The following NRXN2 variants were observed in gnomAD, a reference collection of about 807,000 sequenced individuals.
The protein encoded by NRXN2 is neurexin-2-beta.
In NRXN2, 29 loss-of-function variants were observed where a neutral mutation model predicts 128.8. The observed-to-expected ratio is 0.23, with a 90% CI of 0.17 to 0.31. The LOEUF (loss-of-function observed/expected upper bound fraction) is 0.31, where lower values mean the gene tolerates loss of function less well. Ranked by LOEUF, NRXN2 falls within the 10% of genes least tolerant of loss-of-function variation. The pLI is 1.00. For synonymous variants in NRXN2, 1,098 were observed against 1,075.2 expected (o/e 1.02, Z -0.41); for missense variants, 1,881 against 2,452.6 (o/e 0.77, Z 4.92).
intron 2 of NRXN2, among the ~76,000 whole-genome samples, chr11:64,710,391 T>C (rs1310087335): frequency 2.6e-5 from 4 of 152,196 alleles, no homozygotes; most frequent in Non-Finnish European, 5.9e-5. Context: ...AAACACATCT[T>C]AGACACACAA....
chr11:64,660,250 AC>A lies in NRXN2; in HGVS notation c.2389+81del. The A allele has an allele frequency of 6.6e-7, 1 of 1,508,684 alleles. No individual in the cohort carries two copies. The highest frequency in any genetic ancestry group is 1.4e-5 in the African/African-American group (1 of 72,874). 93.5% of individuals were successfully genotyped at this position (1,508,684 alleles called of 1,614,324 possible). On this transcript the variant is annotated intron_variant, in intron 11 of 22. Transcript: ENST00000265459. This position sits in a 1 kb window ranked among gnomAD's most constrained non-coding sequence, Gnocchi z 5.2. ...GAGGGCACCTCTTGCTGGTGCCACC[AC>A]CAGCTTCTCCAGACAGAGGCAGGTG...
rs367967738 is a variant in NRXN2 at position 64,635,775 on chromosome 11, T to C, written c.3404-323A>G. 1.5e-4 allele frequency among the ~76,000 whole-genome samples: 22 copies of C among 151,548 alleles called. 1 individual carries two copies. The South Asian group carries it at 4.6e-3, about 32-fold the overall frequency. On this transcript the variant is annotated intron_variant, in intron 17 of 22. Coordinates refer to ENST00000265459, the MANE Select transcript of NRXN2 (RefSeq NM_015080.4). The surrounding 1 kb of genome is among the most constrained non-coding windows in gnomAD (Gnocchi z 4.8). ...TGTAAGGAGACTGAGAAGACAAGAG[T>C]GCTGTGGGCAGGAAAGACCCAGGGG...
Position 64,648,928 on chromosome 11 carries a change from C to T in NRXN2, c.3110-21G>A. ...CTCCCCTGCAAAGGGAGTGGGTCAA[C>T]CAAGGCATCCAGGTCCCCATTCCCA... On this transcript the variant is annotated intron_variant, in intron 15 of 22. Coordinates refer to ENST00000265459, the MANE Select transcript of NRXN2 (RefSeq NM_015080.4). The surrounding 1 kb of genome is among the most constrained non-coding windows in gnomAD (Gnocchi z 4.1). The T allele has an allele frequency of 1.2e-6, 2 of 1,613,936 alleles. No individual in the cohort carries two copies. Among genetic ancestry groups the T allele is most frequent in the East Asian group, 2.2e-5 (1 of 44,886 alleles).
chr11:64,666,792 T>G (rs2049933636), intron 9 of NRXN2, among the ~76,000 whole-genome samples: 1 of 151,798 alleles, frequency 6.6e-6, no homozygotes, highest in South Asian at 2.1e-4. Context: ...CTCGATCTCC[T>G]GACCTCCTGA....
rs1234987051 is a variant in NRXN2 at position 64,606,882 on chromosome 11, C to A, written c.*314G>T. On this transcript the variant is annotated 3_prime_UTR_variant, in exon 23 of 23. Transcript: ENST00000265459. Reference sequence around the variant, plus strand: ...ACAAAACCCCCAGCCTTCCTTCCCACCCAACCCCACCAAAATAAAACTACC... The same window carrying A: ...ACAAAACCCCCAGCCTTCCTTCCCAACCAACCCCACCAAAATAAAACTACC... 5.8e-6 allele frequency: 2 copies of A among 346,738 alleles called. No individual in the cohort carries two copies. The highest frequency in any genetic ancestry group is 9.3e-5 in the South Asian group (2 of 21,532). 21.5% of individuals were successfully genotyped at this position (346,738 alleles called of 1,614,324 possible). A position where few individuals can be genotyped will look rare whatever the true frequency, so the allele number is the denominator to read the frequency against.
chr11:64,653,303 C>T (rs147100476), intron 12 of NRXN2, among the ~76,000 whole-genome samples: 134 of 152,222 alleles, frequency 8.8e-4, no homozygotes, highest in Non-Finnish European at 1.5e-3. Context: ...GATGCAGCAG[C>T]GTATTCCAGC....
chr11:64,715,384 A>G (rs1051168325), intron 1 of NRXN2, among the ~76,000 whole-genome samples: 1 of 152,148 alleles, frequency 6.6e-6, no homozygotes, highest in African/African-American at 2.4e-5. Context: ...ATAGACAAGC[A>G]CAGGATAGCC....
At chr11:64,639,162 G>C (rs937564000) in intron 17 of NRXN2, among the ~76,000 whole-genome samples, 1 of 152,140 alleles carries the variant, frequency 6.6e-6, no homozygotes, top group Non-Finnish European at 1.5e-5. Context: ...GCACAACCCA[G>C]AAAAGCCATG....
intron 11 of NRXN2, among the ~76,000 whole-genome samples, chr11:64,657,673 AG>A (rs1229079339): frequency 6.6e-6 from 1 of 152,220 alleles, no homozygotes; most frequent in Non-Finnish European, 1.5e-5. Context: ...GTTAGGCCCC[AG>A]GTCTTCTGGC....
chr11:64,723,032 C>A lies in NRXN2; in HGVS notation c.-306G>T, dbSNP rs1429874302. ...GCAGAGCTACAGGGCCGCCCCGTCT[C>A]CGACGGGTGGCAGAGCCAGGGCTAG... On this transcript the variant is annotated 5_prime_UTR_variant, in exon 1 of 23. Transcript: ENST00000265459. 2 of 150,778 alleles carry A rather than the reference C, an allele frequency of 1.3e-5. No homozygotes were observed. Among genetic ancestry groups the A allele is most frequent in the African/African-American group, 4.9e-5 (2 of 40,634 alleles). The allele number at this position is 150,778 out of a possible 1,614,324, so 9.3% of individuals were successfully genotyped here.
At chr11:64,717,318 G>A (rs375758635) in intron 1 of NRXN2, among the ~76,000 whole-genome samples, 3 of 152,138 alleles carry the variant, frequency 2.0e-5, no homozygotes, top group Admixed American at 1.3e-4. Context: ...GCTCACTGAC[G>A]TCAGTGCAGT....
At chr11:64,664,401 C>T (rs555487548) in intron 9 of NRXN2, among the ~76,000 whole-genome samples, 1 of 151,542 alleles carries the variant, frequency 6.6e-6, no homozygotes, top group South Asian at 2.1e-4. Flanking sequence ...TCACTTGAAC[C>T]CAGGAGGCAG....
chr11:64,687,256 C>T (rs2053184395), intron 5 of NRXN2, among the ~76,000 whole-genome samples: 2 of 152,228 alleles, frequency 1.3e-5, no homozygotes, highest in African/African-American at 4.8e-5. Flanking sequence ...ACTTGCCTTC[C>T]CCTGGTGGAG....
intron 3 of NRXN2, 91 bp downstream of exon 3, chr11:64,697,684 A>G: frequency 6.8e-7 from 1 of 1,480,306 alleles, no homozygotes; most frequent in Admixed American, 1.7e-5. Flanking sequence ...ATGGCAGGAA[A>G]GGGAGTCCTT....
chr11:64,628,748 G>C (rs893326055), intron 19 of NRXN2, among the ~76,000 whole-genome samples: 1 of 152,218 alleles, frequency 6.6e-6, no homozygotes, highest in East Asian at 1.9e-4. Flanking sequence ...CTGCCCACAG[G>C]AATCATGCCT....
intron 3 of NRXN2, among the ~76,000 whole-genome samples, chr11:64,696,947 A>C (rs1370123844): frequency 6.6e-6 from 1 of 152,228 alleles, no homozygotes; most frequent in Non-Finnish European, 1.5e-5. Context: ...CAAGAGAAAG[A>C]TTCAGAGAAT....
Position 64,648,909 on chromosome 11 carries a change from T to G in NRXN2, c.3110-2A>C. On this transcript the variant is annotated splice_acceptor_variant, in intron 15 of 22. Transcript: ENST00000265459. LOFTEE classifies it high-confidence loss of function. The surrounding 1 kb of genome is among the most constrained non-coding windows in gnomAD (Gnocchi z 4.1). ...TCAGACCGCCAATGTACAACTCCCCTGCAAAGGGAGTGGGTCAACCAAGGC... is the reference window on the plus strand; with the variant it reads ...TCAGACCGCCAATGTACAACTCCCCGGCAAAGGGAGTGGGTCAACCAAGGC... The G allele has an allele frequency of 1.2e-6, 2 of 1,614,138 alleles. No homozygotes were observed. Among genetic ancestry groups the G allele is most frequent in the Non-Finnish European group, 1.7e-6 (2 of 1,179,990 alleles).
intron 9 of NRXN2, among the ~76,000 whole-genome samples, chr11:64,662,749 T>C (rs896446368): frequency 3.3e-5 from 5 of 151,748 alleles, no homozygotes; most frequent in African/African-American, 9.7e-5. Context: ...GCCACTGCAC[T>C]CCAGTCTGGG....
chr11:64,712,618 C>A, intron 2 of NRXN2: 1 of 469,186 alleles, frequency 2.1e-6, no homozygotes, highest in African/African-American at 2.0e-5. Flanking sequence ...CCCCCACCCA[C>A]AAGCCTTCAC....
Sources: gnomAD v4.1 joint callset for allele counts (sites outside exome capture counted in the v4.1 genomes callset) on GRCh38, gnomAD v4.1.1 for gene constraint, Gnocchi (gnomAD v3.1) non-coding constraint, MANE v1.5 for transcripts, NCBI Gene and HGNC (gene_info 2026-07-23, HGNC 2026-07-21) for gene names.